The following CLVS1 variants were observed in gnomAD, a reference collection of about 807,000 sequenced individuals.
CLVS1 encodes clavesin-1.
In CLVS1, 10 loss-of-function variants were observed where a neutral mutation model predicts 33.1. That is an observed-to-expected ratio of 0.30 (90% CI 0.19 to 0.51). The LOEUF is 0.51. Ranked by LOEUF, CLVS1 falls within the 20% of genes least tolerant of loss-of-function variation. The pLI, the probability that CLVS1 is intolerant of heterozygous loss-of-function variation, is 0.97. For synonymous variants in CLVS1, 163 were observed against 166.1 expected (o/e 0.98, Z 0.14); for missense variants, 343 against 433.4 (o/e 0.79, Z 1.85).
At chr8:60,967,586 C>T in the CLVS1 span, 1 of 454,832 alleles carries the variant, frequency 2.2e-6, no homozygotes, top group Non-Finnish European at 4.4e-6. Flanking sequence ...GTCGTCTGCG[C>T]AGCATTCAGC....
At chr8:61,450,207 G>A (rs1462662670) in intron 3 of CLVS1, among the ~76,000 whole-genome samples, 1 of 152,184 alleles carries the variant, frequency 6.6e-6, no homozygotes, top group Non-Finnish European at 1.5e-5. Flanking sequence ...AAGTTGGGCT[G>A]CACCACCTAA....
the CLVS1 span, among the ~76,000 whole-genome samples, chr8:61,037,321 C>A: frequency 0.082 from 12,527 of 152,142 alleles, 535 homozygotes; most frequent in South Asian, 0.13. Flanking sequence ...GACTGCCATT[C>A]TTACTTTCTA....
At chr8:61,076,912 C>G (rs1414632621) in intron 1 of CLVS1, among the ~76,000 whole-genome samples, 1 of 152,168 alleles carries the variant, frequency 6.6e-6, no homozygotes, top group Admixed American at 6.5e-5. Context: ...CCTGCAAGTC[C>G]CCGGCTCAGC....
intron 2 of CLVS1, among the ~76,000 whole-genome samples, chr8:61,376,213 C>G (rs539635462): frequency 6.6e-6 from 1 of 152,250 alleles, no homozygotes; most frequent in African/African-American, 2.4e-5. Flanking sequence ...ATTCATTGTA[C>G]TGGGGAAACA....
the CLVS1 span, among the ~76,000 whole-genome samples, chr8:60,990,704 G>GT: frequency 1.6e-4 from 23 of 145,084 alleles, no homozygotes; most frequent in Admixed American, 9.1e-4. Flanking sequence ...AATTAACAGG[G>GT]TTTTTTTTGT....
At chr8:61,236,119 G>A (rs988754589) in intron 2 of CLVS1, among the ~76,000 whole-genome samples, 4 of 152,128 alleles carry the variant, frequency 2.6e-5, no homozygotes, top group Non-Finnish European at 2.9e-5. Flanking sequence ...ATTCTGAGGC[G>A]AGCTTCCTTC....
At chr8:61,356,930 G>GT (rs1320867461) in intron 2 of CLVS1, among the ~76,000 whole-genome samples, 5 of 152,180 alleles carry the variant, frequency 3.3e-5, no homozygotes, top group African/African-American at 2.4e-5. Context: ...CTTTAAAGTA[G>GT]TTTTTTCCAA....
chr8:61,410,273 C>A (rs1815169669), intron 3 of CLVS1, among the ~76,000 whole-genome samples: 1 of 152,022 alleles, frequency 6.6e-6, no homozygotes, highest in South Asian at 2.1e-4. Flanking sequence ...AGGAGACTGC[C>A]TAGTCGTTCC....
chr8:61,137,785 C>T (rs756274441), intron 2 of CLVS1, among the ~76,000 whole-genome samples: 2 of 152,216 alleles, frequency 1.3e-5, no homozygotes, highest in African/African-American at 2.4e-5. Context: ...CAGGGCAAGG[C>T]CTCCCAGGTG....
At chr8:61,438,086 G>T (rs1816405731) in intron 3 of CLVS1, among the ~76,000 whole-genome samples, 1 of 152,134 alleles carries the variant, frequency 6.6e-6, no homozygotes, top group Non-Finnish European at 1.5e-5. Flanking sequence ...TGTTACATGG[G>T]TATATGTGTG....
chr8:61,237,644 G>C (rs1808596467), intron 2 of CLVS1, among the ~76,000 whole-genome samples: 2 of 152,164 alleles, frequency 1.3e-5, no homozygotes, highest in Admixed American at 1.3e-4. Flanking sequence ...CTAGGACCTT[G>C]GGATAGGTCA....
chr8:61,042,827 C>T, the CLVS1 span, among the ~76,000 whole-genome samples: 1 of 152,326 alleles, frequency 6.6e-6, no homozygotes, highest in Non-Finnish European at 1.5e-5. Context: ...AAATTCCAAA[C>T]ATGAACCAGT....
At chr8:61,130,337 G>A (rs1806070376) in intron 1 of CLVS1, among the ~76,000 whole-genome samples, 1 of 151,984 alleles carries the variant, frequency 6.6e-6, no homozygotes, top group Non-Finnish European at 1.5e-5. Context: ...TTCCACCACA[G>A]GTCAATATAT....
intron 3 of CLVS1, among the ~76,000 whole-genome samples, chr8:61,441,557 G>A (rs1464684734): frequency 6.6e-6 from 1 of 152,152 alleles, no homozygotes; most frequent in Admixed American, 6.5e-5. Context: ...ATTGAGTTCA[G>A]GTATGTTTTG....
At chr8:61,050,287 G>A in the CLVS1 span, among the ~76,000 whole-genome samples, 57 of 152,288 alleles carry the variant, frequency 3.7e-4, no homozygotes, top group Non-Finnish European at 7.8e-4. Context: ...GTCTGAGGAG[G>A]TTGTTGACTC....
At chr8:60,991,861 C>G in the CLVS1 span, among the ~76,000 whole-genome samples, 2 of 151,824 alleles carry the variant, frequency 1.3e-5, no homozygotes, top group Non-Finnish European at 2.9e-5. Context: ...ATTCTTTTGC[C>G]TCAGCCACCT....
intron 2 of CLVS1, among the ~76,000 whole-genome samples, chr8:61,339,660 A>C (rs1811941468): frequency 6.6e-6 from 1 of 151,916 alleles, no homozygotes; most frequent in Admixed American, 6.6e-5. Flanking sequence ...CAGGAGAGTA[A>C]CCCTCAGGCA....
intron 2 of CLVS1, among the ~76,000 whole-genome samples, chr8:61,210,650 G>A (rs1484138916): frequency 6.6e-6 from 1 of 152,090 alleles, no homozygotes; most frequent in Non-Finnish European, 1.5e-5. Flanking sequence ...AGAGAACTCT[G>A]GGCTCTGGAA....
intron 5 of CLVS1, among the ~76,000 whole-genome samples, chr8:61,468,516 G>A (rs888558687): frequency 3.3e-5 from 5 of 152,032 alleles, no homozygotes; most frequent in African/African-American, 1.2e-4. Flanking sequence ...TTGTCTCTCA[G>A]AGACTAGAGT....
Sources: gnomAD v4.1 joint callset for allele counts (sites outside exome capture counted in the v4.1 genomes callset) on GRCh38, gnomAD v4.1.1 for gene constraint, MANE v1.5 for transcripts, NCBI Gene and HGNC (gene_info 2026-07-23, HGNC 2026-07-21) for gene names.